Variants in CDH13 observed in about 807,000 individuals in gnomAD.
CDH13 encodes the protein cadherin-13.
In CDH13, 24 loss-of-function variants were observed where a neutral mutation model predicts 63.8. The ratio of observed to expected loss-of-function variants is 0.38; its 90% CI spans 0.27 to 0.53. The LOEUF is 0.53. CDH13 is among the 20% of genes least tolerant of loss of function. The pLI is 0.85. For missense variants in CDH13, 1,049 were observed against 903.1 expected (o/e 1.16, Z -2.07); for synonymous variants, 503 against 355.3 (o/e 1.42, Z -4.67).
intron 6 of CDH13, among the ~76,000 whole-genome samples, chr16:83,478,626 A>G (rs2073674167): frequency 6.6e-6 from 1 of 152,188 alleles, no homozygotes; most frequent in Non-Finnish European, 1.5e-5. Context: ...TTACAAAGCC[A>G]AATCTCCCAG....
chr16:83,102,363 C>T (rs188081137), intron 3 of CDH13, among the ~76,000 whole-genome samples: 39 of 152,278 alleles, frequency 2.6e-4, no homozygotes, highest in African/African-American at 6.7e-4. Context: ...GGCTATCTGG[C>T]GGAAGAGATA....
chr16:83,024,594 C>G (rs929764177), intron 2 of CDH13, among the ~76,000 whole-genome samples: 1 of 152,176 alleles, frequency 6.6e-6, no homozygotes, highest in African/African-American at 2.4e-5. Flanking sequence ...CTCACTAAGT[C>G]TCAGTTTCCA....
chr16:82,735,376 T>A (rs7189174), intron 1 of CDH13, among the ~76,000 whole-genome samples: 25,027 of 152,182 alleles, frequency 0.16, 2,334 homozygotes, highest in Middle Eastern at 0.22. Flanking sequence ...CATGGCTGGG[T>A]CTGTCCCTGC....
chr16:83,343,991 A>G (rs2090782534), intron 5 of CDH13, among the ~76,000 whole-genome samples: 1 of 152,250 alleles, frequency 6.6e-6, no homozygotes, highest in African/African-American at 2.4e-5. Flanking sequence ...ACTGAGATCC[A>G]GTGTCTTGCT....
intron 3 of CDH13, among the ~76,000 whole-genome samples, chr16:83,070,597 A>G (rs1301560771): frequency 6.6e-6 from 1 of 152,198 alleles, no homozygotes. Flanking sequence ...AGAAAAGCAA[A>G]CATGACTAAT....
At chr16:82,999,695 T>G (rs1912651956) in intron 2 of CDH13, among the ~76,000 whole-genome samples, 2 of 152,206 alleles carry the variant, frequency 1.3e-5, no homozygotes, top group Non-Finnish European at 2.9e-5. Context: ...AAATGACATG[T>G]TTAAAAACAC....
chr16:82,976,053 A>C (rs895254268), intron 2 of CDH13, among the ~76,000 whole-genome samples: 2 of 152,236 alleles, frequency 1.3e-5, no homozygotes, highest in Non-Finnish European at 2.9e-5. Flanking sequence ...CCCTGGTCAG[A>C]AGGCCAGTAA....
intron 1 of CDH13, among the ~76,000 whole-genome samples, chr16:82,853,647 A>T (rs1331237361): frequency 1.3e-5 from 2 of 152,222 alleles, no homozygotes; most frequent in Non-Finnish European, 2.9e-5. Flanking sequence ...TGAAACGTGA[A>T]TCTTTGTAGC....
At chr16:82,638,826 G>A (rs554070112) in intron 1 of CDH13, among the ~76,000 whole-genome samples, 7 of 152,134 alleles carry the variant, frequency 4.6e-5, no homozygotes, top group South Asian at 2.1e-4. Context: ...CAGTGTGTGC[G>A]TGTGTGCGTT....
At chr16:82,866,377 CTTTTTTTTTTTTTTTT>C (rs538206338) in intron 2 of CDH13, among the ~76,000 whole-genome samples, 1 of 58,298 alleles carries the variant, frequency 1.7e-5, no homozygotes, top group Middle Eastern at 0.012. Context: ...TTTTCTTCTT[CTTTTTTTTTTTTTTTT>C]TTTTTTTTTT....
chr16:83,540,010 G>A (rs1343251368), intron 7 of CDH13, among the ~76,000 whole-genome samples: 2 of 151,850 alleles, frequency 1.3e-5, no homozygotes, highest in Middle Eastern at 3.4e-3. Flanking sequence ...GCTAATTTAG[G>A]TGGTTTGTCC....
chr16:83,191,532 T>C (rs13334418), intron 4 of CDH13, among the ~76,000 whole-genome samples: 6,359 of 64,902 alleles, frequency 0.098, 206 homozygotes, highest in African/African-American at 0.13. Context: ...CACACACACA[T>C]ATATATATAT....
intron 3 of CDH13, among the ~76,000 whole-genome samples, chr16:83,041,622 G>A (rs183220222): frequency 1.1e-3 from 170 of 152,204 alleles, no homozygotes; most frequent in Non-Finnish European, 1.5e-3. Context: ...AAAACCTGGA[G>A]CTAATTGCCC....
chr16:83,630,223 T>C (rs1247508686), intron 8 of CDH13, among the ~76,000 whole-genome samples: 1 of 152,196 alleles, frequency 6.6e-6, no homozygotes, highest in Non-Finnish European at 1.5e-5. Context: ...TGGAGATAAG[T>C]GGACCTGCTT....
At chr16:82,974,898 C>G (rs1213679954) in intron 2 of CDH13, among the ~76,000 whole-genome samples, 2 of 152,158 alleles carry the variant, frequency 1.3e-5, no homozygotes, top group East Asian at 3.9e-4. Flanking sequence ...CATTAAGTTC[C>G]TGGGGATTTG....
At chr16:83,307,503 C>A (rs1218771462) in intron 5 of CDH13, among the ~76,000 whole-genome samples, 2 of 152,244 alleles carry the variant, frequency 1.3e-5, no homozygotes, top group Non-Finnish European at 2.9e-5. Context: ...GCTCTCACCT[C>A]ACATTTTAAG....
chr16:83,536,106 T>C (rs2075182274), intron 7 of CDH13, among the ~76,000 whole-genome samples: 6 of 152,116 alleles, frequency 3.9e-5, no homozygotes, highest in Admixed American at 3.9e-4. Flanking sequence ...CATATGGCAT[T>C]TGGCATTATG....
intron 4 of CDH13, among the ~76,000 whole-genome samples, chr16:83,174,425 G>C (rs1405323389): frequency 6.6e-6 from 1 of 151,802 alleles, no homozygotes; most frequent in Non-Finnish European, 1.5e-5. Flanking sequence ...GAATTACTTA[G>C]AGCTTTATGG....
intron 1 of CDH13, among the ~76,000 whole-genome samples, chr16:82,712,861 C>T (rs1269825065): frequency 1.3e-5 from 2 of 152,084 alleles, no homozygotes; most frequent in African/African-American, 4.8e-5. Flanking sequence ...CTTATTAACT[C>T]TCCGCTCTCT....
Sources: gnomAD v4.1 joint callset for allele counts (sites outside exome capture counted in the v4.1 genomes callset) on GRCh38, gnomAD v4.1.1 for gene constraint, MANE v1.5 for transcripts, NCBI Gene and HGNC (gene_info 2026-07-23, HGNC 2026-07-21) for gene names.